Variants in MROH1 observed in about 807,000 individuals in gnomAD.
The protein encoded by MROH1 is maestro heat like repeat family member 1, also known as maestro heat-like repeat-containing protein family member 1.
Under a neutral mutation model 116.5 loss-of-function variants are expected in MROH1, and 117 were observed. The ratio of observed to expected loss-of-function variants is 1.00; its 90% CI spans 0.86 to 1.17. The LOEUF (loss-of-function observed/expected upper bound fraction) is 1.17, where lower values mean the gene tolerates loss of function less well. Among genes scored for constraint, MROH1 ranks in the 50% most tolerant of loss-of-function variants. The pLI, the probability that MROH1 is intolerant of heterozygous loss-of-function variation, is 0.00. For missense variants in MROH1, 1,873 were observed against 1,338.5 expected, an observed-to-expected ratio of 1.40 and a Z score of -6.23; for synonymous variants, 921 against 583.9, an observed-to-expected ratio of 1.58 and a Z score of -8.32.
At chr8:144,244,398 G>A (rs1230821977) in intron 27 of MROH1, 46 bp from the exon 28 acceptor site, 5 of 726,494 alleles carry the variant, frequency 6.9e-6, no homozygotes, top group Non-Finnish European at 1.3e-5. Context: ...GCCACTGTAG[G>A]CTGCGGGGTC....
At chr8:144,205,177 A>G (rs538288692) in intron 12 of MROH1, among the ~76,000 whole-genome samples, 54 of 152,314 alleles carry the variant, frequency 3.5e-4, no homozygotes, top group African/African-American at 1.2e-3. Context: ...GGCGTGAGCC[A>G]TTGCACCCAG....
chr8:144,203,598 G>A (rs1832177120), intron 12 of MROH1, among the ~76,000 whole-genome samples: 1 of 152,112 alleles, frequency 6.6e-6, no homozygotes, highest in African/African-American at 2.4e-5. Context: ...GAGGGCCTGA[G>A]AGGAGAGCGC....
chr8:144,180,612 G>A lies in MROH1; in HGVS notation c.562+89G>A, dbSNP rs563929362. ...TGCCTGTTTTAGGGGGGACAGGTGG[G>A]CACTTTAGGCTGCAGGAAGGGGGGC... is the stretch of plus-strand genomic sequence containing the variant. On this transcript the variant is annotated intron_variant, in intron 7 of 43. Coordinates refer to ENST00000326134, the MANE Select transcript of MROH1 (RefSeq NM_032450.3). This position sits in a 1 kb window ranked among gnomAD's most constrained non-coding sequence, Gnocchi z 7.4. The A allele has an allele frequency of 1.6e-6, 2 of 1,263,920 alleles. No individual in the cohort carries two copies. The highest frequency in any genetic ancestry group is 1.4e-5 in the South Asian group (1 of 72,738). 78.3% of individuals were successfully genotyped at this position (1,263,920 alleles called of 1,614,324 possible). A position where few individuals can be genotyped will look rare whatever the true frequency, so the allele number is the denominator to read the frequency against.
chr8:144,222,798 ACAGGCC>A (rs1345369296), intron 13 of MROH1, among the ~76,000 whole-genome samples: 6 of 151,748 alleles, frequency 4.0e-5, no homozygotes, highest in African/African-American at 7.3e-5. Context: ...GTATGTGGGT[ACAGGCC>A]CAGGCCCAGG....
chr8:144,247,236 C>T (rs1344601748), intron 29 of MROH1, 65 bp from the exon 30 acceptor site: 2 of 736,924 alleles, frequency 2.7e-6, no homozygotes, highest in Admixed American at 3.6e-5. Context: ...CCTCTGGGTA[C>T]AGGTGGCATA....
chr8:144,178,301 T>A (rs572427491), intron 4 of MROH1, among the ~76,000 whole-genome samples: 90 of 152,144 alleles, frequency 5.9e-4, no homozygotes, highest in Non-Finnish European at 1.1e-3. Flanking sequence ...ACGGCTAATT[T>A]TTGTATTTTT....
intron 7 of MROH1, among the ~76,000 whole-genome samples, chr8:144,184,516 G>A (rs930923981): frequency 6.6e-6 from 1 of 152,240 alleles, no homozygotes; most frequent in Admixed American, 6.5e-5. Context: ...AGGGAGAAAG[G>A]ACAGGGTCCT....
intron 19 of MROH1, 36 bp downstream of exon 19, chr8:144,240,189 G>C: frequency 1.3e-6 from 1 of 751,688 alleles, no homozygotes; most frequent in East Asian, 2.5e-5. Flanking sequence ...TGGGCCTTAA[G>C]GTGTTGTCTG....
chr8:144,217,728 C>A (rs531514449), intron 12 of MROH1, among the ~76,000 whole-genome samples: 1 of 152,342 alleles, frequency 6.6e-6, no homozygotes, highest in Admixed American at 6.5e-5. Flanking sequence ...CTCAGCCTCC[C>A]GAGGAGCTGG....
chr8:144,153,054 T>G (rs1817228358), intron 1 of MROH1, among the ~76,000 whole-genome samples: 1 of 152,210 alleles, frequency 6.6e-6, no homozygotes, highest in Non-Finnish European at 1.5e-5. Context: ...TAACCACCGT[T>G]CTACTCTGCT....
intron 1 of MROH1, among the ~76,000 whole-genome samples, chr8:144,152,597 A>G (rs1247831694): frequency 6.6e-6 from 1 of 150,974 alleles, no homozygotes; most frequent in Non-Finnish European, 1.5e-5. Flanking sequence ...CCCAGGCTGG[A>G]GTGCAGTGGT....
intron 4 of MROH1, among the ~76,000 whole-genome samples, chr8:144,178,735 G>T (rs760144074): frequency 3.9e-5 from 6 of 152,050 alleles, no homozygotes; most frequent in Non-Finnish European, 7.4e-5. Context: ...GTCAACACAG[G>T]GTGGCTGGGT....
At chr8:144,179,696 G>C in intron 5 of MROH1, 110 bp downstream of exon 5, 3 of 1,395,096 alleles carry the variant, frequency 2.2e-6, no homozygotes, top group Non-Finnish European at 2.9e-6. Context: ...GTGTTTGGCT[G>C]CCTTGGGCTG....
intron 7 of MROH1, among the ~76,000 whole-genome samples, chr8:144,188,308 C>T (rs1488726122): frequency 1.3e-5 from 2 of 152,192 alleles, no homozygotes; most frequent in Non-Finnish European, 2.9e-5. Flanking sequence ...AAGGCTCACC[C>T]ATGGCCCTGG....
At chr8:144,181,637 T>G (rs945424920) in intron 7 of MROH1, among the ~76,000 whole-genome samples, 1 of 152,082 alleles carries the variant, frequency 6.6e-6, no homozygotes, top group Non-Finnish European at 1.5e-5. Context: ...TGTGACCCAG[T>G]TTTGGCTAAA....
intron 33 of MROH1, among the ~76,000 whole-genome samples, chr8:144,253,998 A>C (rs902422346): frequency 6.6e-6 from 1 of 151,832 alleles, no homozygotes; most frequent in Non-Finnish European, 1.5e-5. Context: ...AGGTCAGTAT[A>C]TTTCACCAGT....
chr8:144,200,710 A>G (rs916725454), intron 12 of MROH1, 169 bp downstream of exon 12: 4 of 613,426 alleles, frequency 6.5e-6, no homozygotes, highest in African/African-American at 5.5e-5. Flanking sequence ...AAAAGTTGCA[A>G]GGGTGGTACC....
rs897020727 is a variant in MROH1 at position 144,239,475 on chromosome 8, T to G, written c.1632+112T>G. 17 of 771,222 alleles carry G rather than the reference T, an allele frequency of 2.2e-5. No homozygotes were observed. The African/African-American group carries it at 2.9e-4, about 13-fold the overall frequency. 47.8% of individuals were successfully genotyped at this position (771,222 alleles called of 1,614,324 possible). A position where few individuals can be genotyped will look rare whatever the true frequency, so the allele number is the denominator to read the frequency against. On this transcript the variant is annotated intron_variant, in intron 17 of 43. Coordinates refer to ENST00000326134, the MANE Select transcript of MROH1 (RefSeq NM_032450.3). Reference sequence around the variant, plus strand: ...TGGGCAGCCGCGGTCAGGGCTCAGGTGTGGTTTTCCTCTACGTGGGCGGCC... The same window carrying G: ...TGGGCAGCCGCGGTCAGGGCTCAGGGGTGGTTTTCCTCTACGTGGGCGGCC...
At chr8:144,255,440 A>G in intron 34 of MROH1, 69 bp from the exon 35 acceptor site, 1 of 746,816 alleles carries the variant, frequency 1.3e-6, no homozygotes, top group Non-Finnish European at 2.5e-6. Context: ...ATGCAGTCTC[A>G]TTGGGTGCAG....
Sources: allele counts gnomAD v4.1 joint callset (sites outside exome capture counted in the v4.1 genomes callset), GRCh38; gene constraint gnomAD v4.1.1; non-coding constraint Gnocchi (gnomAD v3.1); transcripts MANE v1.5; gene names NCBI Gene and HGNC (gene_info 2026-07-23, HGNC 2026-07-21).